CEP112: variants seen among roughly 807,000 people sequenced by gnomAD.
CEP112 encodes centrosomal protein 112, also known as centrosomal protein of 112 kDa.
A neutral mutation model predicts 153.0 loss-of-function variants in CEP112; 127 were observed. The observed-to-expected ratio is 0.83, with a 90% CI of 0.72 to 0.96. The LOEUF (loss-of-function observed/expected upper bound fraction) is 0.96. CEP112 is among the 40% of genes least tolerant of loss of function. The pLI, the probability that CEP112 is intolerant of heterozygous loss-of-function variation, is 0.00. For synonymous variants in CEP112, 358 were observed against 374.4 expected, an observed-to-expected ratio of 0.96 and a Z score of 0.51; for missense variants, 1,089 against 1,101.2, an observed-to-expected ratio of 0.99 and a Z score of 0.16.
chr17:66,138,529 A>G (rs968951176), intron 4 of CEP112, among the ~76,000 whole-genome samples: 3 of 152,254 alleles, frequency 2.0e-5, no homozygotes, highest in African/African-American at 7.2e-5. Flanking sequence ...TTGTTAATGA[A>G]TACAGAATAT....
rs72831438 is a variant in CEP112 at position 65,804,129 on chromosome 17, C to T, written c.2394+47675G>A. On this transcript the variant is annotated intron_variant, in intron 21 of 26. Coordinates refer to ENST00000535342, the MANE Select transcript of CEP112 (RefSeq NM_001199165.4). ...TAACCTCTCAGCATGTTTTAAAAAA[C>T]GAGTTGGGATTAATTACTTTTAATT... Among the ~76,000 whole-genome samples the T allele has an allele frequency of 8.2e-3, 1,248 of 152,174 alleles. 7 individuals carry two copies. Among genetic ancestry groups the T allele is most frequent in the Non-Finnish European group, 0.012 (846 of 67,990 alleles).
chr17:66,160,292 T>C (rs2071643895), intron 4 of CEP112, among the ~76,000 whole-genome samples: 5 of 152,112 alleles, frequency 3.3e-5, no homozygotes, highest in Admixed American at 3.3e-4. Context: ...GATTCAATGC[T>C]ATCCCCATCA....
chr17:66,038,434 A>G (rs546530158), intron 12 of CEP112, among the ~76,000 whole-genome samples: 21 of 152,240 alleles, frequency 1.4e-4, no homozygotes, highest in Admixed American at 2.6e-4. Context: ...TTTTGAACCT[A>G]TAACATCAAG....
chr17:65,904,235 A>C (rs1402285080), intron 19 of CEP112, among the ~76,000 whole-genome samples: 1 of 152,250 alleles, frequency 6.6e-6, no homozygotes, highest in Non-Finnish European at 1.5e-5. Context: ...CCTTAAGCTG[A>C]TAAGCAACTT....
chr17:66,050,465 T>C (rs1224565180), intron 12 of CEP112, among the ~76,000 whole-genome samples: 1 of 152,154 alleles, frequency 6.6e-6, no homozygotes, highest in Non-Finnish European at 1.5e-5. Flanking sequence ...TTGTATTCTC[T>C]CCAGAAAATA....
chr17:65,739,495 G>A (rs372294876), intron 23 of CEP112, among the ~76,000 whole-genome samples: 28 of 152,132 alleles, frequency 1.8e-4, no homozygotes, highest in African/African-American at 6.5e-4. Flanking sequence ...CAGCACTTTG[G>A]GAGGCTGAGG....
intron 24 of CEP112, among the ~76,000 whole-genome samples, chr17:65,641,885 G>A (rs1598166096): frequency 2.0e-5 from 3 of 152,172 alleles, no homozygotes; most frequent in Admixed American, 6.6e-5. Context: ...AAGTAGACAG[G>A]TAGAGTGCAC....
At chr17:66,000,931 A>G (rs1441717321) in intron 17 of CEP112, among the ~76,000 whole-genome samples, 1 of 152,194 alleles carries the variant, frequency 6.6e-6, no homozygotes, top group African/African-American at 2.4e-5. Context: ...CTGCGCTGTG[A>G]TGCTGTGCTG....
intron 18 of CEP112, among the ~76,000 whole-genome samples, chr17:65,928,485 T>C (rs1284387210): frequency 6.6e-6 from 1 of 152,228 alleles, no homozygotes; most frequent in African/African-American, 2.4e-5. Flanking sequence ...TATAGTAGCA[T>C]TATTCATAAC....
intron 18 of CEP112, among the ~76,000 whole-genome samples, chr17:65,949,745 G>A (rs984056011): frequency 1.3e-4 from 20 of 152,218 alleles, no homozygotes; most frequent in South Asian, 1.2e-3. Context: ...AATTAAAAGG[G>A]TAGTTCTGGA....
rs556087534 is a variant in CEP112, at chr17:66,129,748, C to T, written c.640G>A (p.Gly214Arg). ...ATAAAGCAAATACTTTTTTTTACCC[C>T]AAGATTCCAACTATTAAGGCGAGCT... ...IEARLNSWNL[G>R]IENPRYLRQK... is the part of the protein sequence containing the mutation. The change falls in exon 6 of 27, where the codon GGG becomes AGG. Residue 214 changes from glycine to arginine, a missense_variant and splice_region_variant. Gly to Arg is a moderately radical substitution (Grantham distance 125, BLOSUM62 -2). Coordinates refer to ENST00000535342, the MANE Select transcript of CEP112 (RefSeq NM_001199165.4). The T allele has an allele frequency of 2.2e-5, 36 of 1,604,922 alleles. No individual in the cohort carries two copies. The South Asian group carries it at 4.0e-4, about 18-fold the overall frequency.
At chr17:65,810,333 G>A (rs2055874133) in intron 21 of CEP112, among the ~76,000 whole-genome samples, 1 of 151,948 alleles carries the variant, frequency 6.6e-6, no homozygotes, top group South Asian at 2.1e-4. Flanking sequence ...CTGCAGGTAG[G>A]TGGAGCCTTT....
intron 17 of CEP112, among the ~76,000 whole-genome samples, chr17:65,984,274 T>C (rs557598571): frequency 6.6e-6 from 1 of 152,310 alleles, no homozygotes; most frequent in South Asian, 2.1e-4. Flanking sequence ...TTAAAGGCAG[T>C]TGTGACTTCT....
intron 24 of CEP112, among the ~76,000 whole-genome samples, chr17:65,665,000 G>A (rs1317544998): frequency 1.3e-5 from 2 of 152,122 alleles, no homozygotes; most frequent in Non-Finnish European, 2.9e-5. Context: ...TTTCTCCTAT[G>A]TCTCTTTTTG....
intron 1 of CEP112, among the ~76,000 whole-genome samples, chr17:66,190,076 T>C (rs889700084): frequency 4.6e-5 from 7 of 151,600 alleles, no homozygotes; most frequent in African/African-American, 1.7e-4. Context: ...ACACCTGTAA[T>C]CCCAGCACTT....
Position 65,647,242 on chromosome 17 carries a change from C to T in CEP112, c.2698-6177G>A, listed in dbSNP as rs1464689318. 6.3e-5 allele frequency among the ~76,000 whole-genome samples: 9 copies of T among 141,808 alleles called. No individual in the cohort carries two copies. The South Asian group carries it at 1.5e-3, about 24-fold the overall frequency. 93.0% of individuals were successfully genotyped at this position (141,808 alleles called of 152,430 possible). The stretch of plus-strand genomic sequence containing the variant: ...AGGCTGGAGTGCAATGGCGCGATCT[C>T]GGCTCAGCGCAACCTCCGCCTCCTG... On this transcript the variant is annotated intron_variant, in intron 24 of 26. Transcript: ENST00000535342.
chr17:65,762,334 A>G (rs1383849211), intron 21 of CEP112, among the ~76,000 whole-genome samples: 1 of 151,966 alleles, frequency 6.6e-6, no homozygotes, highest in African/African-American at 2.4e-5. Context: ...TATTTAAAGC[A>G]GGTTTCTTGG....
chr17:65,737,211 T>A (rs2050854998), intron 23 of CEP112, among the ~76,000 whole-genome samples: 1 of 152,006 alleles, frequency 6.6e-6, no homozygotes. Context: ...AACAGAACAA[T>A]ATCGGGTGGT....
chr17:65,733,070 C>G (rs1324789181), intron 23 of CEP112, among the ~76,000 whole-genome samples: 1 of 152,166 alleles, frequency 6.6e-6, no homozygotes, highest in Non-Finnish European at 1.5e-5. Context: ...TAATTTCTAG[C>G]TTTTGGTTTA....
Sources: gnomAD v4.1 joint callset for allele counts (sites outside exome capture counted in the v4.1 genomes callset) on GRCh38, gnomAD v4.1.1 for gene constraint, MANE v1.5 for transcripts, NCBI Gene and HGNC (gene_info 2026-07-23, HGNC 2026-07-21) for gene names.